The following RP1 variants were observed in gnomAD, a reference collection of about 807,000 sequenced individuals.
RP1 encodes the protein RP1 axonemal microtubule associated, also known as oxygen-regulated protein 1.
Under a neutral mutation model 14.8 loss-of-function variants are expected in RP1, and 16 were observed. That is an observed-to-expected ratio of 1.08 (90% CI 0.73 to 1.65). The LOEUF (loss-of-function observed/expected upper bound fraction) is 1.65. RP1 is among the 40% of genes most tolerant of loss of function. The probability of loss-of-function intolerance (pLI) is 0.00; values close to 1 mark genes in which losing one functional copy is unlikely to be tolerated. For synonymous variants in RP1, 876 were observed against 883.6 expected, an observed-to-expected ratio of 0.99 and a Z score of 0.15; for missense variants, 2,631 against 2,535.0, an observed-to-expected ratio of 1.04 and a Z score of -0.81.
At chr8:54,690,961 G>A (rs1807696535) in intron 12 of RP1, among the ~76,000 whole-genome samples, 2 of 151,956 alleles carry the variant, frequency 1.3e-5, no homozygotes, top group African/African-American at 4.8e-5. Context: ...AACTGCATTT[G>A]GTAATTTAAA....
chr8:54,718,881 G>A lies in RP1; in HGVS notation c.2212-1248G>A, dbSNP rs542131901. Among the ~76,000 whole-genome samples the A allele has an allele frequency of 4.6e-5, 7 of 152,258 alleles. No individual in the cohort carries two copies. In the South Asian group the frequency reaches 1.5e-3, roughly 32 times the overall value. On this transcript the variant is annotated intron_variant, in intron 15 of 22. Coordinates refer to the RP1 transcript ENST00000636932. ...AGATGAAGCATAGGGGATCTTTAGG[G>A]CAGTACAGTTATTCTGTATGCCATT... is the stretch of plus-strand genomic sequence containing the variant.
intron 27 of RP1, among the ~76,000 whole-genome samples, chr8:54,859,641 T>C (rs1262121247): frequency 6.6e-6 from 1 of 151,880 alleles, no homozygotes; most frequent in East Asian, 1.9e-4. Context: ...CGTAGATGAG[T>C]GTCACTGTAG....
chr8:54,870,008 C>A (rs1415047090), exon 29 of RP1: 2 of 755,968 alleles, frequency 2.6e-6, no homozygotes, highest in Non-Finnish European at 3.6e-6. Flanking sequence ...TGTGATAGTG[C>A]ATTTGTCTTT....
intron 7 of RP1, among the ~76,000 whole-genome samples, chr8:54,668,010 C>A (rs1486367942): frequency 9.2e-5 from 14 of 152,080 alleles, no homozygotes; most frequent in Admixed American, 9.2e-4. Flanking sequence ...CATCCTGATA[C>A]CAAAGCCTGG....
At chr8:54,684,431 T>A (rs1253726774) in intron 12 of RP1, among the ~76,000 whole-genome samples, 1 of 152,158 alleles carries the variant, frequency 6.6e-6, no homozygotes, top group Non-Finnish European at 1.5e-5. Context: ...GCTGTAAATC[T>A]GTCTGGTAGT....
intron 6 of RP1, among the ~76,000 whole-genome samples, chr8:54,657,608 T>C (rs1806784022): frequency 6.6e-6 from 1 of 151,776 alleles, no homozygotes. Context: ...AAGTTAACAC[T>C]CTTCACTAGA....
At chr8:54,621,998 G>A in intron 2 of RP1, 119 bp from the exon 3 acceptor site, 2 of 994,612 alleles carry the variant, frequency 2.0e-6, no homozygotes, top group Non-Finnish European at 3.1e-6. Flanking sequence ...CTAAGAAAAT[G>A]CTCAGTGATG....
rs950672069 is a variant in RP1 at position 54,630,777 on chromosome 8, C to T, written c.*424C>T. 1.1e-5 allele frequency: 11 copies of T among 1,003,592 alleles called. No individual in the cohort carries two copies. The Admixed American group carries it at 4.9e-4, about 45-fold the overall frequency. The allele number at this position is 1,003,592 out of a possible 1,614,324, so 62.2% of individuals were successfully genotyped here. ...AAAGTACTTCACTTATTCTTTTTAA[C>T]TACTGATTTGATAAAAAGTATGATT... On this transcript the variant is annotated 3_prime_UTR_variant, in exon 4 of 4. Transcript: ENST00000220676.
chr8:54,575,231 A>G (rs1453731919), intron 1 of RP1, among the ~76,000 whole-genome samples: 1 of 152,228 alleles, frequency 6.6e-6, no homozygotes, highest in East Asian at 1.9e-4. Context: ...AGATGCTCTT[A>G]TGATGATCTG....
intron 1 of RP1, among the ~76,000 whole-genome samples, chr8:54,587,596 G>T (rs987954982): frequency 1.4e-4 from 22 of 152,180 alleles, no homozygotes; most frequent in Non-Finnish European, 1.9e-4. Flanking sequence ...AACCTACTGG[G>T]AAGTTGAAAA....
At chr8:54,725,455 T>A (rs1413167335) in intron 16 of RP1, among the ~76,000 whole-genome samples, 1 of 152,192 alleles carries the variant, frequency 6.6e-6, no homozygotes. Context: ...AACAATGTAA[T>A]CATGGGCAGT....
Position 54,621,334 on chromosome 8 carries a change from G to A in RP1, c.368G>A (p.Arg123His). The A allele has an allele frequency of 1.9e-6, 3 of 1,611,726 alleles. No individual in the cohort carries two copies. Among genetic ancestry groups the A allele is most frequent in the Non-Finnish European group, 2.5e-6 (3 of 1,178,892 alleles). The change falls in exon 2 of 4, where the codon CGC becomes CAC. Residue 123 changes from arginine (R) to histidine (H), a missense_variant. Transcript: ENST00000220676. ...QPVDLDKARR[R>H]PRPWLSSRAI... ...GTAGACCTGGACAAAGCCCGTCGGC[G>A]CCCGCGGCCCTGGCTCAGCAGCCGG...
intron 6 of RP1, chr8:54,663,628 G>A: frequency 7.4e-6 from 10 of 1,354,154 alleles, no homozygotes; most frequent in African/African-American, 1.5e-5. Context: ...GATAAGAGGA[G>A]ATTTCTGTAT....
chr8:54,734,519 G>A, intron 17 of RP1: 2 of 1,518,312 alleles, frequency 1.3e-6, no homozygotes, highest in East Asian at 2.4e-5. Context: ...TATCTGATCT[G>A]CCACTAATGC....
At chr8:54,698,855 A>G (rs903471821) in intron 12 of RP1, among the ~76,000 whole-genome samples, 7 of 152,026 alleles carry the variant, frequency 4.6e-5, no homozygotes, top group Non-Finnish European at 1.0e-4. Context: ...ACATGGACAT[A>G]GGGAGGGGAA....
intron 7 of RP1, among the ~76,000 whole-genome samples, chr8:54,669,898 G>T (rs903220439): frequency 6.6e-6 from 1 of 152,042 alleles, no homozygotes; most frequent in African/African-American, 2.4e-5. Context: ...GGAAGGGGGA[G>T]GGATAGCATT....
intron 1 of RP1, among the ~76,000 whole-genome samples, chr8:54,563,375 G>A (rs1804328747): frequency 6.6e-6 from 1 of 152,192 alleles, no homozygotes; most frequent in South Asian, 2.1e-4. Context: ...GCGAGTCAGG[G>A]ACCATCTCAT....
At chr8:54,631,796 G>C (rs950275750), downstream of RP1, among the ~76,000 whole-genome samples, 5 of 151,888 alleles carry the variant, frequency 3.3e-5, no homozygotes, top group Non-Finnish European at 5.9e-5. Context: ...CACTGCGCTG[G>C]GCATCCTACA....
chr8:54,752,400 G>A (rs1809394891), intron 19 of RP1, among the ~76,000 whole-genome samples: 1 of 152,184 alleles, frequency 6.6e-6, no homozygotes, highest in Admixed American at 6.5e-5. Flanking sequence ...GAAATTGTCA[G>A]GACCACCTCC....
Sources: gnomAD v4.1 joint callset for allele counts (sites outside exome capture counted in the v4.1 genomes callset) on GRCh38, gnomAD v4.1.1 for gene constraint, MANE v1.5 for transcripts, NCBI Gene and HGNC (gene_info 2026-07-23, HGNC 2026-07-21) for gene names.